Variants in CCDC146 observed in about 807,000 individuals in gnomAD.
CCDC146 encodes coiled-coil domain-containing protein 146.
A neutral mutation model predicts 119.3 loss-of-function variants in CCDC146; 92 were observed. The observed-to-expected ratio is 0.77, with a 90% CI of 0.65 to 0.92. The LOEUF (loss-of-function observed/expected upper bound fraction) is 0.92. Among genes scored for constraint, CCDC146 ranks in the 40% least tolerant of loss-of-function variants. CCDC146 has a pLI of 0.00. For missense variants in CCDC146, 1,000 were observed against 1,103.0 expected (o/e 0.91, Z 1.32); for synonymous variants, 372 against 371.8 (o/e 1.00, Z -0.01).
At chr7:77,233,884 G>C (rs141070371) in intron 2 of CCDC146, among the ~76,000 whole-genome samples, 1 of 146,230 alleles carries the variant, frequency 6.8e-6, no homozygotes, top group Non-Finnish European at 1.5e-5. Context: ...TAAAACTGCA[G>C]AATGTAGTTT....
chr7:77,147,260 T>A (rs931394989), intron 1 of CCDC146, among the ~76,000 whole-genome samples: 6 of 152,360 alleles, frequency 3.9e-5, no homozygotes, highest in African/African-American at 1.2e-4. Context: ...TTCAGCTCCA[T>A]CAGGTCCTTT....
chr7:77,135,704 C>T (rs1790852075), intron 1 of CCDC146, among the ~76,000 whole-genome samples: 1 of 151,818 alleles, frequency 6.6e-6, no homozygotes, highest in Non-Finnish European at 1.5e-5. Flanking sequence ...ATAAATGCAC[C>T]AATTAAAAGA....
intron 18 of CCDC146, among the ~76,000 whole-genome samples, 200 bp from the exon 19 acceptor site, chr7:77,294,463 G>GGTAGGTGTGTGTGTGTGT (rs1554364032): frequency 1.5e-5 from 2 of 134,232 alleles, no homozygotes; most frequent in African/African-American, 5.6e-5. Flanking sequence ...ATGAGAGGTA[G>GGTAGGTGTGTGTGTGTGT]GTGTGTGTGT....
At chr7:77,292,904 C>G (rs373188216) in intron 17 of CCDC146, 48 bp from the exon 18 acceptor site, 28 of 1,577,036 alleles carry the variant, frequency 1.8e-5, no homozygotes, top group Non-Finnish European at 2.2e-5. Flanking sequence ...CATTTTAAGT[C>G]TTTGTGGACT....
intron 4 of CCDC146, among the ~76,000 whole-genome samples, chr7:77,251,252 C>T (rs1235584630): frequency 6.6e-6 from 1 of 152,014 alleles, no homozygotes; most frequent in Non-Finnish European, 1.5e-5. Context: ...GAACTCCTGA[C>T]CTCAAGTTAT....
chr7:77,148,963 G>T (rs1791066866), intron 1 of CCDC146, among the ~76,000 whole-genome samples: 1 of 152,108 alleles, frequency 6.6e-6, no homozygotes, highest in South Asian at 2.1e-4. Flanking sequence ...TTTCTTCACA[G>T]AATTAGAAAA....
At chr7:77,138,290 C>CAAAA (rs59868618) in intron 1 of CCDC146, among the ~76,000 whole-genome samples, 6,770 of 121,432 alleles carry the variant, frequency 0.056, 245 homozygotes, top group Non-Finnish European at 0.088. Context: ...GGGGCAGTTG[C>CAAAA]AAAAAAAAAA....
At chr7:77,236,091 A>AAATAAATAAATAAATG (rs1245729417) in intron 2 of CCDC146, among the ~76,000 whole-genome samples, 1 of 152,012 alleles carries the variant, frequency 6.6e-6, no homozygotes, top group Non-Finnish European at 1.5e-5. Flanking sequence ...ATAAATAAAT[A>AAATAAATAAATAAATG]AATGTAAGAA....
At chr7:77,168,868 C>T (rs139834353) in intron 2 of CCDC146, among the ~76,000 whole-genome samples, 5,715 of 151,924 alleles carry the variant, frequency 0.038, 143 homozygotes, top group Non-Finnish European at 0.057. Context: ...GACACGATGC[C>T]CCTTTATACC....
At chr7:77,238,530 C>A (rs1762796435) in intron 3 of CCDC146, among the ~76,000 whole-genome samples, 1 of 152,130 alleles carries the variant, frequency 6.6e-6, no homozygotes. Flanking sequence ...CATTCTCCTG[C>A]CTCAGACTCT....
At chr7:77,227,459 C>T (rs1245937070) in intron 2 of CCDC146, among the ~76,000 whole-genome samples, 1 of 152,188 alleles carries the variant, frequency 6.6e-6, no homozygotes, top group Non-Finnish European at 1.5e-5. Flanking sequence ...GTGCCTGCCA[C>T]CACGCCCGGC....
At chr7:77,188,543 A>G (rs1791707344) in intron 2 of CCDC146, among the ~76,000 whole-genome samples, 1 of 152,160 alleles carries the variant, frequency 6.6e-6, no homozygotes, top group Non-Finnish European at 1.5e-5. Flanking sequence ...GCATATGTGT[A>G]TCTACTTATG....
chr7:77,254,426 G>C (rs1396281410), intron 4 of CCDC146, 80 bp from the exon 5 acceptor site: 1 of 759,566 alleles, frequency 1.3e-6, no homozygotes, highest in Admixed American at 2.5e-5. Context: ...GACATTCTGG[G>C]ATGAGAAGAT....
chr7:77,199,818 A>G, intron 2 of CCDC146: 1 of 1,603,926 alleles, frequency 6.2e-7, no homozygotes, highest in Non-Finnish European at 8.5e-7. Context: ...TCACCCCAGC[A>G]GGGAGTGCGC....
At chr7:77,219,187 A>G (rs1792354067) in intron 2 of CCDC146, among the ~76,000 whole-genome samples, 1 of 152,234 alleles carries the variant, frequency 6.6e-6, no homozygotes, top group Non-Finnish European at 1.5e-5. Flanking sequence ...ACACATTAAA[A>G]TATTTTGTAA....
chr7:77,201,681 C>T (rs1791992167), intron 2 of CCDC146, among the ~76,000 whole-genome samples: 1 of 151,898 alleles, frequency 6.6e-6, no homozygotes, highest in Non-Finnish European at 1.5e-5. Context: ...CACCTTATGA[C>T]TTTTTTTCTT....
intron 13 of CCDC146, among the ~76,000 whole-genome samples, chr7:77,279,675 T>G (rs1052534371): frequency 1.3e-5 from 2 of 152,228 alleles, no homozygotes; most frequent in African/African-American, 4.8e-5. Context: ...CAAGCTGCTT[T>G]GTCTCTCTGA....
chr7:77,223,366 A>AC (rs1792442448), intron 2 of CCDC146, among the ~76,000 whole-genome samples: 1 of 152,134 alleles, frequency 6.6e-6, no homozygotes, highest in South Asian at 2.1e-4. Context: ...TTACTCACCC[A>AC]CCTTGCCCAT....
chr7:77,251,624 G>A (rs1373661610), intron 4 of CCDC146, among the ~76,000 whole-genome samples: 6 of 152,026 alleles, frequency 3.9e-5, no homozygotes, highest in Non-Finnish European at 5.9e-5. Context: ...AGGGAGGGGA[G>A]CATTCTACAG....
Sources: gnomAD v4.1 joint callset for allele counts (sites outside exome capture counted in the v4.1 genomes callset) on GRCh38, gnomAD v4.1.1 for gene constraint, MANE v1.5 for transcripts, NCBI Gene and HGNC (gene_info 2026-07-23, HGNC 2026-07-21) for gene names.